The following NSUN2 variants were observed in gnomAD, a reference collection of about 807,000 sequenced individuals.
The protein encoded by NSUN2 is RNA cytosine C(5)-methyltransferase NSUN2.
Under a neutral mutation model 92.7 loss-of-function variants are expected in NSUN2, and 63 were observed. The observed-to-expected ratio is 0.68, with a 90% confidence interval of 0.56 to 0.84. NSUN2 has a LOEUF of 0.84. Ranked by LOEUF, NSUN2 falls within the 40% of genes least tolerant of loss-of-function variation. NSUN2 has a pLI of 0.00. For synonymous variants in NSUN2, 356 were observed against 348.3 expected (o/e 1.02, Z -0.25); for missense variants, 989 against 964.9 (o/e 1.02, Z -0.33).
At chr5:6,605,032 C>T in intron 15 of NSUN2, 2 of 607,802 alleles carry the variant, frequency 3.3e-6, no homozygotes, top group Non-Finnish European at 5.7e-6. Context: ...CATGGCTCAC[C>T]CCCCTGCGGG....
intron 7 of NSUN2, among the ~76,000 whole-genome samples, chr5:6,619,745 C>T (rs1354550540): frequency 6.6e-6 from 1 of 152,182 alleles, no homozygotes; most frequent in Non-Finnish European, 1.5e-5. Flanking sequence ...ACTGGAAGAA[C>T]TAATACAAAA....
intron 6 of NSUN2, chr5:6,620,894 A>G (rs1239982419): frequency 6.6e-6 from 1 of 152,248 alleles, no homozygotes; most frequent in Admixed American, 6.5e-5. Context: ...AACATCCACA[A>G]TACAAAAAGG....
intron 18 of NSUN2, among the ~76,000 whole-genome samples, chr5:6,600,656 G>C (rs913016436): frequency 6.6e-5 from 10 of 152,054 alleles, no homozygotes; most frequent in African/African-American, 2.4e-4. Context: ...TGAGAGGCTG[G>C]GAGACTCTGC....
intron 3 of NSUN2, 75 bp downstream of exon 3, chr5:6,631,798 A>G (rs1395424589): frequency 8.9e-7 from 1 of 1,124,260 alleles, no homozygotes; most frequent in African/African-American, 1.5e-5. Context: ...CAAATGCAGT[A>G]CCAAGAAATA....
chr5:6,605,845 C>T (rs1415263595), intron 14 of NSUN2, among the ~76,000 whole-genome samples: 1 of 136,414 alleles, frequency 7.3e-6, no homozygotes, highest in Non-Finnish European at 1.6e-5. Flanking sequence ...TAGGTGCACG[C>T]CACCACACCT....
At chr5:6,610,592 G>C (rs550373876) in intron 11 of NSUN2, among the ~76,000 whole-genome samples, 2 of 151,550 alleles carry the variant, frequency 1.3e-5, no homozygotes, top group Non-Finnish European at 2.9e-5. Context: ...GCTGAGGCAC[G>C]AGAATTGCTT....
chr5:6,627,712 G>A (rs959351725), intron 3 of NSUN2, among the ~76,000 whole-genome samples: 2 of 152,292 alleles, frequency 1.3e-5, no homozygotes, highest in East Asian at 1.9e-4. Context: ...TGGGTACAGA[G>A]AACAGCCTGG....
chr5:6,626,926 A>T (rs1041014035), intron 3 of NSUN2, among the ~76,000 whole-genome samples: 2 of 152,204 alleles, frequency 1.3e-5, no homozygotes, highest in African/African-American at 4.8e-5. Flanking sequence ...GAAAACACAA[A>T]CACATTTGAC....
Position 6,599,878 on chromosome 5 carries a change from G to T in NSUN2, c.*48C>A, listed in dbSNP as rs374381984. 6 of 1,561,050 alleles carry T rather than the reference G, an allele frequency of 3.8e-6. No homozygotes were observed. The highest frequency in any genetic ancestry group is 4.4e-6 in the Non-Finnish European group (5 of 1,144,776). On this transcript the variant is annotated 3_prime_UTR_variant, in exon 19 of 19. Coordinates refer to ENST00000264670, the MANE Select transcript of NSUN2 (RefSeq NM_017755.6). ...TTTCAGACACCAGTGACCAGAAGAA[G>T]CCAGTTTTGCGTGTGAGGGGTGTGG...
chr5:6,631,700 A>G (rs1737903032), intron 3 of NSUN2, among the ~76,000 whole-genome samples, 173 bp downstream of exon 3: 4 of 152,258 alleles, frequency 2.6e-5, no homozygotes, highest in African/African-American at 9.6e-5. Flanking sequence ...AAATCGCATG[A>G]AAACTTGCGT....
At position 6,611,800 on chromosome 5, in the gene NSUN2, T is replaced by C; in HGVS notation, c.1022-2A>G. The C allele has an allele frequency of 6.2e-7, 1 of 1,614,086 alleles. No homozygotes were observed. Among genetic ancestry groups the C allele is most frequent in the South Asian group, 1.1e-5 (1 of 91,072 alleles). Reference sequence around the variant, plus strand: ...ACACATCAGCAAGCTCCAAAGCACCTGTGCAGCAAAAGCATGGACGTCTTT... The same window carrying C: ...ACACATCAGCAAGCTCCAAAGCACCCGTGCAGCAAAAGCATGGACGTCTTT... On this transcript the variant is annotated splice_acceptor_variant, in intron 9 of 18. Transcript: ENST00000264670. LOFTEE classifies it high-confidence loss of function.
At chr5:6,607,052 A>G (rs1352410140) in intron 13 of NSUN2, 140 bp from the exon 14 acceptor site, 11 of 979,778 alleles carry the variant, frequency 1.1e-5, no homozygotes, top group African/African-American at 9.7e-5. Context: ...CGGCTTCCAC[A>G]GAGTCCAGCC....
At chr5:6,602,315 A>G in intron 18 of NSUN2, 146 bp downstream of exon 18, 1 of 764,576 alleles carries the variant, frequency 1.3e-6, no homozygotes, top group Non-Finnish European at 2.3e-6. Context: ...TTTGGTTCTG[A>G]AGTTTTCACA....
chr5:6,616,714 C>T lies in NSUN2; in HGVS notation c.1021+13G>A, dbSNP rs1304338753. ...CCTATGCTGTTAATAAAAGATCCAT[C>T]AAGCGTGCTTACCTTCACTTTTTTC... On this transcript the variant is annotated intron_variant, in intron 9 of 18. Coordinates refer to ENST00000264670, the MANE Select transcript of NSUN2 (RefSeq NM_017755.6). 3 of 1,356,308 alleles carry T rather than the reference C, an allele frequency of 2.2e-6. No individual in the cohort carries two copies. The highest frequency in any genetic ancestry group is 3.0e-5 in the East Asian group (1 of 33,164). The allele number at this position is 1,356,308 out of a possible 1,614,324, so 84.0% of individuals were successfully genotyped here. A position where few individuals can be genotyped will look rare whatever the true frequency, so the allele number is the denominator to read the frequency against.
At chr5:6,622,978 A>C (rs1278080289) in intron 5 of NSUN2, among the ~76,000 whole-genome samples, 2 of 151,770 alleles carry the variant, frequency 1.3e-5, no homozygotes, top group Non-Finnish European at 2.9e-5. Context: ...TCCATATGGT[A>C]AACAAATCAG....
intron 3 of NSUN2, among the ~76,000 whole-genome samples, chr5:6,631,517 G>A (rs926439974): frequency 9.9e-5 from 15 of 152,220 alleles, no homozygotes; most frequent in Admixed American, 9.8e-4. Flanking sequence ...GGAGACTGTT[G>A]TCAAGCTAAG....
chr5:6,632,970 G>A lies in NSUN2; in HGVS notation c.10C>T (p.Arg4Trp), dbSNP rs1665260051. 4.7e-6 allele frequency: 7 copies of A among 1,485,136 alleles called. No individual in the cohort carries two copies. The highest frequency in any genetic ancestry group is 6.2e-6 in the Non-Finnish European group (7 of 1,126,598). 92.0% of individuals were successfully genotyped at this position (1,485,136 alleles called of 1,614,324 possible). The change falls in exon 1 of 19, where the codon CGG (arginine) becomes TGG (tryptophan). Residue 4 changes from arginine to tryptophan, a missense_variant. Arg to Trp is a moderately radical substitution (Grantham distance 101). This residue lies in a region of NSUN2 where 356 missense variants were observed against 338.6 expected (regional missense o/e 1.05). Transcript: ENST00000264670. ...TGCTGGAGCCGCCGACCCCGCGACC[G>A]CCGCCCCATAGCCCACGCGGCCGCG... Reference protein sequence around the residue: MGRRSRGRRLQQQQ... With the variant: MGRWSRGRRLQQQQ...
intron 9 of NSUN2, among the ~76,000 whole-genome samples, chr5:6,615,004 C>T (rs549439643): frequency 6.6e-6 from 1 of 152,244 alleles, no homozygotes; most frequent in East Asian, 1.9e-4. Flanking sequence ...AACTAGCCAA[C>T]ACAGACTTAG....
At position 6,599,778 on chromosome 5, in the gene NSUN2, A is replaced by G; in HGVS notation, c.*148T>C. ...AAGAAAGCAGTCCTGGTCATTCAGA[A>G]GGCTCCTATGATCCCACCAGTCTGC... On this transcript the variant is annotated 3_prime_UTR_variant, in exon 19 of 19. Coordinates refer to ENST00000264670, the MANE Select transcript of NSUN2 (RefSeq NM_017755.6). 1 of 691,204 alleles carries G rather than the reference A, an allele frequency of 1.4e-6. No homozygotes were observed. 42.8% of individuals were successfully genotyped at this position (691,204 alleles called of 1,614,324 possible).
Sources: gnomAD v4.1 joint callset for allele counts (sites outside exome capture counted in the v4.1 genomes callset) on GRCh38, gnomAD v4.1.1 for gene constraint, gnomAD v4.1.1 regional missense constraint, MANE v1.5 for transcripts, NCBI Gene and HGNC (gene_info 2026-07-23, HGNC 2026-07-21) for gene names.